The following RAP1GAP variants were observed in gnomAD, a reference collection of about 807,000 sequenced individuals.
RAP1GAP encodes RAP1 GTPase activating protein.
RAP1GAP carries 35 observed loss-of-function variants against 87.2 expected under a neutral mutation model. The ratio of observed to expected loss-of-function variants is 0.40; its 90% CI spans 0.31 to 0.53. The LOEUF (loss-of-function observed/expected upper bound fraction) is 0.53. RAP1GAP is among the 20% of genes least tolerant of loss of function. The pLI, the probability that RAP1GAP is intolerant of heterozygous loss-of-function variation, is 0.48. For synonymous variants in RAP1GAP, 375 were observed against 363.9 expected (o/e 1.03, Z -0.35); for missense variants, 734 against 898.9 (o/e 0.82, Z 2.35).
Position 21,610,142 on chromosome 1 carries a change from C to A in RAP1GAP, c.977G>T (p.Gly326Val). The change falls in exon 14 of 25, where the codon GGC becomes GTC. Residue 326 changes from glycine to valine, a missense_variant. Gly to Val is a moderately radical substitution (Grantham distance 109, BLOSUM62 -3). Coordinates refer to ENST00000374765, the MANE Select transcript of RAP1GAP (RefSeq NM_002885.4). ...AYVVVQAEGG[G>V]PDGPLYKVSV... is the part of the protein sequence containing the mutation. The stretch of plus-strand genomic sequence containing the variant: ...CACCTTGTAGAGGGGGCCATCAGGG[C>A]CCCCGCCCTCAGCCTGCACCACGAC... 6.2e-7 allele frequency: 1 copy of A among 1,613,948 alleles called. No homozygotes were observed. The highest frequency in any genetic ancestry group is 8.5e-7 in the Non-Finnish European group (1 of 1,179,950).
chr1:21,657,745 C>A (rs967911446), intron 1 of RAP1GAP, among the ~76,000 whole-genome samples: 2 of 152,212 alleles, frequency 1.3e-5, no homozygotes, highest in Non-Finnish European at 2.9e-5. Context: ...GGGAGACCTG[C>A]CTGTGGCCCC....
chr1:21,651,833 C>T, intron 1 of RAP1GAP: 1 of 1,202,186 alleles, frequency 8.3e-7, no homozygotes, highest in Non-Finnish European at 1.0e-6. Context: ...GGTGCCGCCG[C>T]CGCCGCCCGG....
intron 20 of RAP1GAP, among the ~76,000 whole-genome samples, chr1:21,600,467 C>T (rs1381267561): frequency 6.6e-6 from 1 of 152,220 alleles, no homozygotes; most frequent in East Asian, 1.9e-4. Flanking sequence ...AGTTTCCTCA[C>T]TGGCCTCTCT....
At chr1:21,618,920 C>T in intron 5 of RAP1GAP, 105 bp downstream of exon 5, 2 of 1,322,142 alleles carry the variant, frequency 1.5e-6, no homozygotes, top group South Asian at 2.7e-5. Flanking sequence ...TGTAAGACTA[C>T]TTGCTGAAAG....
rs767998910 is a variant in RAP1GAP, at chr1:21,611,836, G to A, written c.613-20C>T. 3 of 1,589,014 alleles carry A rather than the reference G, an allele frequency of 1.9e-6. No homozygotes were observed. Among genetic ancestry groups the A allele is most frequent in the Non-Finnish European group, 2.6e-6 (3 of 1,157,356 alleles). On this transcript the variant is annotated intron_variant, in intron 11 of 24. Transcript: ENST00000374765. ...GGAGGTCTGGGGATGAGGGGCCAAG[G>A]TCATTGAGCTGGAGTTCCTGAGAAG...
intron 2 of RAP1GAP, among the ~76,000 whole-genome samples, chr1:21,635,940 A>G (rs1185763330): frequency 6.6e-6 from 1 of 152,232 alleles, no homozygotes; most frequent in East Asian, 1.9e-4. Flanking sequence ...AACTGAGTTC[A>G]CCAAGGATTG....
At chr1:21,598,259 C>CAATG in intron 22 of RAP1GAP, 141 bp downstream of exon 22, 1 of 857,344 alleles carries the variant, frequency 1.2e-6, no homozygotes, top group Non-Finnish European at 1.8e-6. Flanking sequence ...CTAGGCTGGA[C>CAATG]AATGACCTGC....
Position 21,609,682 on chromosome 1 carries a change from C to A in RAP1GAP, c.1000-36G>T. The A allele has an allele frequency of 1.3e-6, 2 of 1,493,132 alleles. No homozygotes were observed. The highest frequency in any genetic ancestry group is 1.4e-5 in the South Asian group (1 of 70,564). 92.5% of individuals were successfully genotyped at this position (1,493,132 alleles called of 1,614,324 possible). ...GGGCAGCTGTCTGTTCCTGTGGAGCCTGGGGTCTGCTCTGCCCCACCCAGC... is the reference window on the plus strand; with the variant it reads ...GGGCAGCTGTCTGTTCCTGTGGAGCATGGGGTCTGCTCTGCCCCACCCAGC... On this transcript the variant is annotated intron_variant, in intron 14 of 24. Coordinates refer to ENST00000374765, the MANE Select transcript of RAP1GAP (RefSeq NM_002885.4). The surrounding 1 kb of genome is among the most constrained non-coding windows in gnomAD (Gnocchi z 4.4).
chr1:21,617,102 C>T (rs1463788539), intron 7 of RAP1GAP, among the ~76,000 whole-genome samples: 2 of 152,236 alleles, frequency 1.3e-5, no homozygotes, highest in Non-Finnish European at 2.9e-5. Context: ...GCTGCCTTTG[C>T]AATCAATGTT....
intron 1 of RAP1GAP, chr1:21,665,362 TCATC>T (rs781577368): frequency 1.7e-5 from 7 of 413,514 alleles, no homozygotes; most frequent in South Asian, 1.2e-4. Context: ...CCTCACCTCC[TCATC>T]TGACACAAAG....
intron 15 of RAP1GAP, 63 bp from the exon 16 acceptor site, chr1:21,608,999 C>T (rs61775976): frequency 0.072 from 102,404 of 1,415,000 alleles, 4,056 homozygotes; most frequent in African/African-American, 0.11. Context: ...AAACAAGGGT[C>T]GGAACCCCAA....
chr1:21,622,622 G>A lies in RAP1GAP; in HGVS notation c.-18-2572C>T. 1 of 146,490 alleles carries A rather than the reference G, an allele frequency of 6.8e-6. No homozygotes were observed. The highest frequency in any genetic ancestry group is 1.5e-5 in the Non-Finnish European group (1 of 65,792). 9.1% of individuals were successfully genotyped at this position (146,490 alleles called of 1,614,324 possible). A position where few individuals can be genotyped will look rare whatever the true frequency, so the allele number is the denominator to read the frequency against. On this transcript the variant is annotated intron_variant, in intron 3 of 24. Transcript: ENST00000374765. This position sits in a 1 kb window ranked among gnomAD's most constrained non-coding sequence, Gnocchi z 5.7. ...GTACGGGCGGCACGGCGCGGGGCGG[G>A]GCGGGGCGGGGGCGCTGAAGCCACG...
chr1:21,625,457 G>A (rs574672393), intron 3 of RAP1GAP, among the ~76,000 whole-genome samples: 93 of 152,308 alleles, frequency 6.1e-4, no homozygotes, highest in Non-Finnish European at 9.4e-4. Flanking sequence ...CATCAGAGAG[G>A]CCCTAACACC....
chr1:21,600,624 C>T (rs550150349), intron 20 of RAP1GAP, among the ~76,000 whole-genome samples: 133 of 152,276 alleles, frequency 8.7e-4, no homozygotes, highest in African/African-American at 3.1e-3. Context: ...CAGTGGCTCA[C>T]GCCTGTAATC....
chr1:21,617,235 C>T, intron 7 of RAP1GAP, 71 bp downstream of exon 7: 2 of 1,506,680 alleles, frequency 1.3e-6, no homozygotes, highest in Non-Finnish European at 1.8e-6. Context: ...TGCTCCCTCC[C>T]AGGCCCACCT....
intron 1 of RAP1GAP, among the ~76,000 whole-genome samples, chr1:21,651,063 C>T (rs185860859): frequency 6.6e-6 from 1 of 152,304 alleles, no homozygotes; most frequent in East Asian, 1.9e-4. Flanking sequence ...CTCTGTCTAA[C>T]CCATCGTCCC....
chr1:21,634,066 G>T lies in RAP1GAP; in HGVS notation c.-112-7669C>A, dbSNP rs964780529. Among the ~76,000 whole-genome samples the T allele has an allele frequency of 7.9e-5, 12 of 151,810 alleles. No homozygotes were observed. The highest frequency in any genetic ancestry group is 1.5e-4 in the Non-Finnish European group (10 of 67,836). ...CCAGAACTGCCCCCTCCCGGGGGGG[G>T]GGGGGGGCCACAGAAGCCCATTGTT... On this transcript the variant is annotated intron_variant, in intron 2 of 24. Transcript: ENST00000374765. This position sits in a 1 kb window ranked among gnomAD's most constrained non-coding sequence, Gnocchi z 4.1.
At chr1:21,652,624 G>T (rs908899601) in intron 1 of RAP1GAP, among the ~76,000 whole-genome samples, 6 of 152,092 alleles carry the variant, frequency 3.9e-5, no homozygotes, top group Non-Finnish European at 7.4e-5. Flanking sequence ...TGCAGTCCAG[G>T]TCCCAACCTT....
chr1:21,614,477 C>T (rs959886278), intron 7 of RAP1GAP, among the ~76,000 whole-genome samples: 5 of 152,196 alleles, frequency 3.3e-5, no homozygotes, highest in African/African-American at 1.2e-4. Flanking sequence ...GTCTTCAGCC[C>T]TGGTCCTTCT....
Sources: allele counts gnomAD v4.1 joint callset (sites outside exome capture counted in the v4.1 genomes callset), GRCh38; gene constraint gnomAD v4.1.1; non-coding constraint Gnocchi (gnomAD v3.1); transcripts MANE v1.5; gene names NCBI Gene and HGNC (gene_info 2026-07-23, HGNC 2026-07-21).